Variants in DENND2A observed in about 807,000 individuals in gnomAD.
DENND2A encodes the protein DENN domain-containing protein 2A.
A neutral mutation model predicts 105.3 loss-of-function variants in DENND2A; 53 were observed. That is an observed-to-expected ratio of 0.50 (90% confidence interval 0.40 to 0.63). DENND2A has a LOEUF of 0.63. DENND2A is among the 30% of genes least tolerant of loss of function. DENND2A has a pLI of 0.00. For synonymous variants in DENND2A, 522 were observed against 508.4 expected, an observed-to-expected ratio of 1.03 and a Z score of -0.36; for missense variants, 1,138 against 1,279.6, an observed-to-expected ratio of 0.89 and a Z score of 1.69.
At chr7:140,622,594 T>C (rs1421244110) in intron 1 of DENND2A, among the ~76,000 whole-genome samples, 1 of 152,024 alleles carries the variant, frequency 6.6e-6, no homozygotes, top group Non-Finnish European at 1.5e-5. Context: ...TGCTCATGAG[T>C]ATAAAAGAAC....
intron 1 of DENND2A, among the ~76,000 whole-genome samples, chr7:140,633,121 C>T (rs1800792535): frequency 1.3e-5 from 2 of 151,198 alleles, no homozygotes; most frequent in South Asian, 2.1e-4. Context: ...CTCCGCCTCC[C>T]GCGTTCACAC....
chr7:140,538,250 G>T (rs952732064), intron 14 of DENND2A, among the ~76,000 whole-genome samples: 1 of 152,180 alleles, frequency 6.6e-6, no homozygotes, highest in African/African-American at 2.4e-5. Flanking sequence ...TGCTGCGGGG[G>T]TGGCTACCGA....
At chr7:140,547,092 A>G (rs1227328563) in intron 12 of DENND2A, among the ~76,000 whole-genome samples, 153 bp from the exon 13 acceptor site, 2 of 152,140 alleles carry the variant, frequency 1.3e-5, no homozygotes, top group Non-Finnish European at 2.9e-5. Context: ...TTGACCCTAC[A>G]CATGATTGTC....
At position 140,626,500 on chromosome 7, in the gene DENND2A, C is replaced by T. The variant is rs188210574; in HGVS notation, c.-248+14004G>A. Among the ~76,000 whole-genome samples, 133 of 152,334 alleles carry T rather than the reference C, an allele frequency of 8.7e-4. 1 individual carries two copies. Among genetic ancestry groups the T allele is most frequent in the African/African-American group, 2.9e-3 (122 of 41,574 alleles). On this transcript the variant is annotated intron_variant, in intron 1 of 19. Transcript: ENST00000496613. Reference sequence around the variant, plus strand: ...TGTGCCTCCCAGGGCTGGAGGCTCACGCTGCACCACTGAACAGCCCACTTG... The same window carrying T: ...TGTGCCTCCCAGGGCTGGAGGCTCATGCTGCACCACTGAACAGCCCACTTG...
intron 14 of DENND2A, among the ~76,000 whole-genome samples, chr7:140,542,182 C>A (rs1285227851): frequency 6.6e-6 from 1 of 152,162 alleles, no homozygotes; most frequent in Non-Finnish European, 1.5e-5. Flanking sequence ...CGCTTCTGTG[C>A]CCCCAGTTCC....
intron 1 of DENND2A, among the ~76,000 whole-genome samples, chr7:140,618,145 A>G (rs2130715160): frequency 6.6e-6 from 1 of 152,300 alleles, no homozygotes; most frequent in South Asian, 2.1e-4. Flanking sequence ...TGCCAGGGTC[A>G]CCTCTCTGAT....
chr7:140,546,520 A>T (rs1262016342), intron 13 of DENND2A, among the ~76,000 whole-genome samples: 2 of 152,240 alleles, frequency 1.3e-5, no homozygotes, highest in Non-Finnish European at 2.9e-5. Context: ...AAAAGAAATT[A>T]AGGATGTTCA....
intron 2 of DENND2A, 40 bp downstream of exon 2, chr7:140,605,665 T>C (rs915288569): frequency 2.6e-5 from 4 of 151,982 alleles, no homozygotes; most frequent in Admixed American, 6.6e-5. Flanking sequence ...AGTAAGAAGC[T>C]GGGTCAGCGT....
At chr7:140,581,123 G>A (rs181062403) in intron 5 of DENND2A, among the ~76,000 whole-genome samples, 3 of 152,030 alleles carry the variant, frequency 2.0e-5, no homozygotes, top group East Asian at 2.0e-4. Context: ...AAAATTAGCC[G>A]GCACAGTGGC....
intron 14 of DENND2A, among the ~76,000 whole-genome samples, chr7:140,531,012 G>A (rs755081032): frequency 6.6e-6 from 1 of 152,280 alleles, no homozygotes. Flanking sequence ...GATTACAGGC[G>A]TGAGCCACCA....
Position 140,573,981 on chromosome 7 carries a change from G to A in DENND2A, c.1273C>T (p.Arg425Ter), listed in dbSNP as rs372731585. ...KQSLSKPAFFRQNSERRNFKL... is the reference protein window; with the variant it reads ...KQSLSKPAFF ...AAGTTCCTCCTCTCTGAATTTTGTC[G>A]GAAAAAAGCAGGTTTGGACAATGAC... The change falls in exon 6 of 20, where the codon CGA becomes TGA. Residue 425 changes from arginine (R) to a stop codon, truncating the protein, a stop_gained. Coordinates refer to ENST00000496613, the MANE Select transcript of DENND2A (RefSeq NM_015689.5). LOFTEE classifies it high-confidence loss of function. The A allele has an allele frequency of 2.1e-5, 34 of 1,613,852 alleles. No individual in the cohort carries two copies. Among genetic ancestry groups the A allele is most frequent in the South Asian group, 3.3e-5 (3 of 91,068 alleles).
In DENND2A at chr7:140,527,612, G is replaced by T. The variant is rs1585554744; in HGVS notation, c.2328-117C>A. On this transcript the variant is annotated intron_variant, in intron 14 of 19. Transcript: ENST00000496613. This position sits in a 1 kb window ranked among gnomAD's most constrained non-coding sequence, Gnocchi z 4.9. ...ACTAGGAAAGGACACACGTGGATGT[G>T]GATCCGGTGGAGCACATGATGGTCT... 3 of 1,090,808 alleles carry T rather than the reference G, an allele frequency of 2.8e-6. No homozygotes were observed. In the East Asian group the frequency reaches 7.7e-5, roughly 28 times the overall value. 67.6% of individuals were successfully genotyped at this position (1,090,808 alleles called of 1,614,324 possible).
chr7:140,637,039 T>C (rs1800964517), intron 1 of DENND2A, among the ~76,000 whole-genome samples: 1 of 151,992 alleles, frequency 6.6e-6, no homozygotes, highest in African/African-American at 2.4e-5. Context: ...TTTGTATTTT[T>C]AGTAGAGACA....
At chr7:140,568,661 G>C in intron 8 of DENND2A, 102 bp downstream of exon 8, 1 of 1,254,940 alleles carries the variant, frequency 8.0e-7, no homozygotes. Flanking sequence ...TGCCAAGCAA[G>C]CTCCGGCAGG....
chr7:140,556,126 T>C (rs1259232348), intron 11 of DENND2A, among the ~76,000 whole-genome samples: 1 of 152,064 alleles, frequency 6.6e-6, no homozygotes, highest in African/African-American at 2.4e-5. Flanking sequence ...CAAGCGATTC[T>C]CCTGCCTCAG....
chr7:140,631,530 G>C (rs1800732197), intron 1 of DENND2A, among the ~76,000 whole-genome samples: 1 of 152,106 alleles, frequency 6.6e-6, no homozygotes, highest in Non-Finnish European at 1.5e-5. Context: ...ATTGTTTTGA[G>C]AGGGATTAAG....
chr7:140,539,838 T>C (rs1423050684), intron 14 of DENND2A, among the ~76,000 whole-genome samples: 2 of 152,248 alleles, frequency 1.3e-5, no homozygotes, highest in Non-Finnish European at 2.9e-5. Flanking sequence ...TACGCAGATT[T>C]CCATCTCTTC....
chr7:140,533,861 G>A (rs1235863103), intron 14 of DENND2A, among the ~76,000 whole-genome samples: 5 of 152,084 alleles, frequency 3.3e-5, no homozygotes, highest in African/African-American at 9.7e-5. Flanking sequence ...GAGACAATAC[G>A]GCAACAAGCA....
At chr7:140,613,321 C>G (rs1209161539) in intron 1 of DENND2A, among the ~76,000 whole-genome samples, 1 of 151,956 alleles carries the variant, frequency 6.6e-6, no homozygotes, top group Non-Finnish European at 1.5e-5. Flanking sequence ...AGGCAGATCA[C>G]TTGAGGTCAG....
Sources: allele counts gnomAD v4.1 joint callset (sites outside exome capture counted in the v4.1 genomes callset), GRCh38; gene constraint gnomAD v4.1.1; non-coding constraint Gnocchi (gnomAD v3.1); transcripts MANE v1.5; gene names NCBI Gene and HGNC (gene_info 2026-07-23, HGNC 2026-07-21).